DLGAP2: variants seen among roughly 807,000 people sequenced by gnomAD.
DLGAP2 encodes DLG associated protein 2.
Under a neutral mutation model 100.3 loss-of-function variants are expected in DLGAP2, and 26 were observed. The ratio of observed to expected loss-of-function variants is 0.26; its 90% confidence interval spans 0.19 to 0.36. The LOEUF (loss-of-function observed/expected upper bound fraction) is 0.36, where lower values mean the gene tolerates loss of function less well. DLGAP2 is among the 10% of genes least tolerant of loss of function. The pLI is 1.00. For synonymous variants in DLGAP2, 886 were observed against 630.1 expected (o/e 1.41, Z -6.08); for missense variants, 1,858 against 1,453.2 (o/e 1.28, Z -4.53).
chr8:1,457,151 A>C (rs1395617291), intron 3 of DLGAP2, among the ~76,000 whole-genome samples: 1 of 152,232 alleles, frequency 6.6e-6, no homozygotes, highest in African/African-American at 2.4e-5. Context: ...ATATTCAAGC[A>C]GATGAAATAT....
intron 2 of DLGAP2, among the ~76,000 whole-genome samples, chr8:1,145,779 A>T (rs9773985): frequency 1.6e-5 from 2 of 125,790 alleles, no homozygotes; most frequent in Non-Finnish European, 1.6e-5. Flanking sequence ...CCACCCCACA[A>T]TAGTCCCCAG....
At chr8:1,617,864 A>G (rs1462477447) in intron 6 of DLGAP2, among the ~76,000 whole-genome samples, 1 of 152,256 alleles carries the variant, frequency 6.6e-6, no homozygotes, top group African/African-American at 2.4e-5. Context: ...AATCAGAGGA[A>G]CAAGTATATG....
intron 2 of DLGAP2, among the ~76,000 whole-genome samples, chr8:1,007,360 C>G (rs1169609163): frequency 6.6e-6 from 1 of 152,220 alleles, no homozygotes; most frequent in South Asian, 2.1e-4. Flanking sequence ...CTTCTGTGTG[C>G]TGTAACCAAG....
At chr8:748,386 G>T (rs1398172334) in intron 1 of DLGAP2, among the ~76,000 whole-genome samples, 1 of 152,038 alleles carries the variant, frequency 6.6e-6, no homozygotes. Flanking sequence ...CACAGAGCCA[G>T]CTCAGCTCAG....
intron 1 of DLGAP2, among the ~76,000 whole-genome samples, chr8:823,115 G>A (rs977656304): frequency 1.3e-5 from 2 of 151,786 alleles, no homozygotes; most frequent in African/African-American, 4.8e-5. Flanking sequence ...CTTCTTTTAC[G>A]TCTCACTTGG....
chr8:985,346 T>C (rs909761337), intron 2 of DLGAP2, among the ~76,000 whole-genome samples: 8 of 152,238 alleles, frequency 5.3e-5, no homozygotes, highest in African/African-American at 1.9e-4. Flanking sequence ...TCAGATCTAA[T>C]GCTGTGTAGG....
intron 2 of DLGAP2, among the ~76,000 whole-genome samples, chr8:1,189,800 G>A (rs1050565450): frequency 6.6e-6 from 1 of 152,158 alleles, no homozygotes; most frequent in Admixed American, 6.5e-5. Flanking sequence ...ATAAGCGGGA[G>A]GGCTGCAGGA....
intron 3 of DLGAP2, among the ~76,000 whole-genome samples, chr8:1,298,579 T>C (rs1223586349): frequency 6.6e-6 from 1 of 151,186 alleles, no homozygotes; most frequent in Non-Finnish European, 1.5e-5. Context: ...GCTCAGTAGG[T>C]ACCTCGGCCA....
chr8:1,283,076 G>A (rs59312427), intron 3 of DLGAP2, among the ~76,000 whole-genome samples: 7 of 105,280 alleles, frequency 6.6e-5, no homozygotes, highest in African/African-American at 2.1e-4. Flanking sequence ...AGCACGTGAA[G>A]CATCCAGACG....
At chr8:1,334,858 C>A (rs780020262) in intron 3 of DLGAP2, among the ~76,000 whole-genome samples, 4 of 152,134 alleles carry the variant, frequency 2.6e-5, no homozygotes, top group Admixed American at 2.6e-4. Context: ...GCTGTCTTGC[C>A]TCTCTCGCCT....
intron 3 of DLGAP2, among the ~76,000 whole-genome samples, chr8:1,321,269 C>T (rs997465573): frequency 4.0e-5 from 6 of 149,716 alleles, no homozygotes; most frequent in African/African-American, 4.9e-5. Context: ...GTGCCATGTG[C>T]GTGTGCGTGC....
At chr8:1,507,454 G>T (rs147588721) in intron 4 of DLGAP2, among the ~76,000 whole-genome samples, 1,678 of 152,252 alleles carry the variant, frequency 0.011, 33 homozygotes, top group African/African-American at 0.039. Flanking sequence ...GTGCGGGGCC[G>T]CGGAGCCCGC....
At chr8:856,298 C>T (rs957732687) in intron 1 of DLGAP2, among the ~76,000 whole-genome samples, 6 of 151,216 alleles carry the variant, frequency 4.0e-5, no homozygotes, top group Middle Eastern at 3.2e-3. Flanking sequence ...AAGCAATTCT[C>T]CTGCCTCAGC....
chr8:1,516,628 GGAGTGAATGAGTGAGTGAGTGACT>G (rs1449778913), intron 4 of DLGAP2, among the ~76,000 whole-genome samples: 8 of 147,384 alleles, frequency 5.4e-5, no homozygotes, highest in Admixed American at 2.7e-4. Context: ...AGGGAGGGAA[GGAGTGAATGAGTGAGTGAGTGACT>G]GAGTGAATGA....
At chr8:1,469,832 C>G (rs570635075) in intron 3 of DLGAP2, among the ~76,000 whole-genome samples, 1 of 152,070 alleles carries the variant, frequency 6.6e-6, no homozygotes, top group Admixed American at 6.6e-5. Flanking sequence ...ATTATTTCTC[C>G]AGGAGATGCA....
chr8:1,245,830 C>G (rs1416679334), intron 2 of DLGAP2, among the ~76,000 whole-genome samples: 1 of 152,186 alleles, frequency 6.6e-6, no homozygotes, highest in Non-Finnish European at 1.5e-5. Context: ...ATACTTTGTG[C>G]ACAGTGGCAC....
At chr8:1,116,248 C>G (rs966266842) in intron 2 of DLGAP2, among the ~76,000 whole-genome samples, 4 of 152,212 alleles carry the variant, frequency 2.6e-5, no homozygotes, top group Non-Finnish European at 5.9e-5. Context: ...CTGACATGCT[C>G]TTGGGTTTTC....
At chr8:1,200,887 C>T (rs1010347451) in intron 2 of DLGAP2, among the ~76,000 whole-genome samples, 1 of 152,242 alleles carries the variant, frequency 6.6e-6, no homozygotes, top group Non-Finnish European at 1.5e-5. Context: ...CTGCTGGCTC[C>T]CGTGCTCGGT....
chr8:1,068,832 C>G (rs146046265), intron 2 of DLGAP2, among the ~76,000 whole-genome samples: 1 of 152,090 alleles, frequency 6.6e-6, no homozygotes, highest in Admixed American at 6.5e-5. Context: ...TTCTCCAGCC[C>G]ATCCTCTCCC....
Sources: gnomAD v4.1 joint callset for allele counts (sites outside exome capture counted in the v4.1 genomes callset) on GRCh38, gnomAD v4.1.1 for gene constraint, MANE v1.5 for transcripts, NCBI Gene and HGNC (gene_info 2026-07-23, HGNC 2026-07-21) for gene names.